The following ARHGAP22 variants were observed in gnomAD, a reference collection of about 807,000 sequenced individuals.
ARHGAP22 encodes the protein rho GTPase-activating protein 22.
A neutral mutation model predicts 59.1 loss-of-function variants in ARHGAP22; 48 were observed. The ratio of observed to expected loss-of-function variants is 0.81; its 90% CI spans 0.64 to 1.03. ARHGAP22 has a LOEUF of 1.03. ARHGAP22 is among the 50% of genes least tolerant of loss of function. The pLI is 0.00. For synonymous variants in ARHGAP22, 445 were observed against 416.4 expected (o/e 1.07, Z -0.84); for missense variants, 1,015 against 958.7 (o/e 1.06, Z -0.78).
intron 3 of ARHGAP22, among the ~76,000 whole-genome samples, chr10:48,513,076 A>G (rs538398473): frequency 1.3e-5 from 2 of 152,018 alleles, no homozygotes; most frequent in African/African-American, 4.8e-5. Context: ...CCGTGCTTCC[A>G]CAGACACTGA....
intron 3 of ARHGAP22, among the ~76,000 whole-genome samples, chr10:48,534,924 T>C (rs1189826163): frequency 6.6e-6 from 1 of 152,230 alleles, no homozygotes; most frequent in East Asian, 1.9e-4. Context: ...CAGTCAGTCC[T>C]GCACACCTTT....
downstream of ARHGAP22, chr10:48,445,438 C>CA (rs1262368589): frequency 1.3e-5 from 2 of 152,534 alleles, no homozygotes; most frequent in Non-Finnish European, 2.9e-5. Context: ...CCAGGAGCTC[C>CA]AGCTGGGCCT....
chr10:48,602,726 G>A (rs1589118394), intron 1 of ARHGAP22, among the ~76,000 whole-genome samples: 1 of 152,300 alleles, frequency 6.6e-6, no homozygotes, highest in East Asian at 1.9e-4. Flanking sequence ...CTGCTTTCAC[G>A]AAGCTCATGG....
intron 1 of ARHGAP22, among the ~76,000 whole-genome samples, chr10:48,641,370 C>T (rs1449989241): frequency 2.6e-5 from 4 of 152,114 alleles, no homozygotes; most frequent in Admixed American, 2.6e-4. Context: ...AAGACACAAA[C>T]TGGTTAAAAG....
chr10:48,620,922 G>T (rs538110370), intron 1 of ARHGAP22, among the ~76,000 whole-genome samples: 1 of 152,240 alleles, frequency 6.6e-6, no homozygotes, highest in Non-Finnish European at 1.5e-5. Flanking sequence ...CTTCCTCAGA[G>T]GGAGGAGTTC....
chr10:48,467,392 C>T (rs1313923360), intron 4 of ARHGAP22, among the ~76,000 whole-genome samples: 4 of 151,848 alleles, frequency 2.6e-5, no homozygotes, highest in Non-Finnish European at 4.4e-5. Flanking sequence ...CAGAGAGGCA[C>T]GGCTAGGGGC....
intron 1 of ARHGAP22, among the ~76,000 whole-genome samples, chr10:48,596,356 C>T (rs1287935716): frequency 6.6e-6 from 1 of 152,168 alleles, no homozygotes; most frequent in Non-Finnish European, 1.5e-5. Context: ...GACAGATGCC[C>T]CAACACCAGA....
At chr10:48,462,966 T>A (rs1052964533) in intron 4 of ARHGAP22, among the ~76,000 whole-genome samples, 1 of 152,254 alleles carries the variant, frequency 6.6e-6, no homozygotes, top group African/African-American at 2.4e-5. Context: ...GAGCTCAACA[T>A]CTGATGCCTA....
chr10:48,555,142 C>T (rs2057206993), intron 3 of ARHGAP22, among the ~76,000 whole-genome samples: 1 of 152,104 alleles, frequency 6.6e-6, no homozygotes, highest in Admixed American at 6.5e-5. Flanking sequence ...AGTGTTTTTC[C>T]CTGGCTTTAT....
intron 3 of ARHGAP22, among the ~76,000 whole-genome samples, chr10:48,483,657 T>C (rs921386217): frequency 6.6e-6 from 1 of 152,180 alleles, no homozygotes; most frequent in Non-Finnish European, 1.5e-5. Context: ...TCTGCATTTT[T>C]TTCATATACC....
intron 2 of ARHGAP22, among the ~76,000 whole-genome samples, chr10:48,555,788 C>T (rs2057268771): frequency 6.6e-6 from 1 of 152,186 alleles, no homozygotes; most frequent in African/African-American, 2.4e-5. Flanking sequence ...AGGAGCTCTG[C>T]CCACAGGCAG....
At chr10:48,649,368 G>T (rs2062454566) in intron 1 of ARHGAP22, among the ~76,000 whole-genome samples, 1 of 152,208 alleles carries the variant, frequency 6.6e-6, no homozygotes, top group African/African-American at 2.4e-5. Context: ...GTGGGAGAGG[G>T]TTTCGAAGGA....
At chr10:48,446,929 G>A (rs1253491272) in intron 9 of ARHGAP22, among the ~76,000 whole-genome samples, 1 of 152,194 alleles carries the variant, frequency 6.6e-6, no homozygotes, top group Non-Finnish European at 1.5e-5. Flanking sequence ...CTGCCAGCTG[G>A]TAGGAACAGT....
At chr10:48,589,482 C>G (rs2059625398) in intron 1 of ARHGAP22, among the ~76,000 whole-genome samples, 1 of 152,192 alleles carries the variant, frequency 6.6e-6, no homozygotes, top group Non-Finnish European at 1.5e-5. Context: ...GTCAAACCAT[C>G]TGCAGGACAC....
At chr10:48,556,070 G>A (rs1177369850) in intron 2 of ARHGAP22, among the ~76,000 whole-genome samples, 1 of 152,174 alleles carries the variant, frequency 6.6e-6, no homozygotes, top group East Asian at 1.9e-4. Flanking sequence ...GAGAGTGCCA[G>A]GTGCCTGGGG....
At chr10:48,575,419 T>C (rs1249773616) in intron 2 of ARHGAP22, 1 of 152,226 alleles carries the variant, frequency 6.6e-6, no homozygotes, top group East Asian at 1.9e-4. Flanking sequence ...GGCTGAAATA[T>C]TCCTGTGACT....
chr10:48,585,360 A>G (rs1323918750), intron 1 of ARHGAP22, among the ~76,000 whole-genome samples: 3 of 152,136 alleles, frequency 2.0e-5, no homozygotes, highest in African/African-American at 7.2e-5. Flanking sequence ...CACGGCCTCC[A>G]TACTAACATT....
At chr10:48,537,924 T>C (rs1159821672) in intron 3 of ARHGAP22, among the ~76,000 whole-genome samples, 1 of 151,980 alleles carries the variant, frequency 6.6e-6, no homozygotes, top group Non-Finnish European at 1.5e-5. Context: ...CCCCTGAGAG[T>C]GTGGACTGGA....
intron 2 of ARHGAP22, among the ~76,000 whole-genome samples, chr10:48,557,677 G>A (rs1374393546): frequency 6.6e-6 from 1 of 152,242 alleles, no homozygotes; most frequent in Non-Finnish European, 1.5e-5. Context: ...TTGTTTGCAA[G>A]AAGCCACCGT....
Sources: allele counts gnomAD v4.1 joint callset (sites outside exome capture counted in the v4.1 genomes callset), GRCh38; gene constraint gnomAD v4.1.1; transcripts MANE v1.5; gene names NCBI Gene and HGNC (gene_info 2026-07-23, HGNC 2026-07-21).